SLC8A1: variants seen among roughly 807,000 people sequenced by gnomAD.
SLC8A1 encodes solute carrier family 8 member A1, also known as sodium/calcium exchanger 1.
SLC8A1 carries 18 observed loss-of-function variants against 68.3 expected under a neutral mutation model. The ratio of observed to expected loss-of-function variants is 0.26; its 90% CI spans 0.18 to 0.39. The LOEUF (loss-of-function observed/expected upper bound fraction) is 0.39. Among genes scored for constraint, SLC8A1 ranks in the 10% least tolerant of loss-of-function variants. The pLI, the probability that SLC8A1 is intolerant of heterozygous loss-of-function variation, is 1.00. For missense variants in SLC8A1, 985 were observed against 1,156.7 expected (o/e 0.85, Z 2.15); for synonymous variants, 475 against 415.5 (o/e 1.14, Z -1.74).
chr2:40,407,391 C>T (rs902515785), intron 2 of SLC8A1, among the ~76,000 whole-genome samples: 3 of 152,160 alleles, frequency 2.0e-5, no homozygotes, highest in African/African-American at 4.8e-5. Context: ...GGACTGGTTC[C>T]TTGTCTGTAA....
chr2:40,177,779 G>A, exon 3 of SLC8A1: 1 of 1,550,426 alleles, frequency 6.4e-7, no homozygotes, highest in Non-Finnish European at 8.7e-7. Flanking sequence ...ATCCATTTTG[G>A]TTCCTCAAGC....
chr2:40,261,073 G>GCTT (rs2064632324), intron 2 of SLC8A1, among the ~76,000 whole-genome samples: 1 of 152,186 alleles, frequency 6.6e-6, no homozygotes, highest in South Asian at 2.1e-4. Flanking sequence ...AAGCAATGGA[G>GCTT]CCAGGTCAAA....
chr2:40,331,501 ATG>A (rs1483344011), intron 2 of SLC8A1, among the ~76,000 whole-genome samples: 3 of 152,196 alleles, frequency 2.0e-5, no homozygotes, highest in Non-Finnish European at 4.4e-5. Flanking sequence ...GCAAAATTTT[ATG>A]TGAGTTAACT....
At chr2:40,359,576 A>G (rs1673898397) in intron 2 of SLC8A1, among the ~76,000 whole-genome samples, 1 of 152,132 alleles carries the variant, frequency 6.6e-6, no homozygotes, top group African/African-American at 2.4e-5. Context: ...GCATTATAAC[A>G]GTTTGGTTTA....
At chr2:40,295,070 G>T (rs1174702855) in intron 2 of SLC8A1, among the ~76,000 whole-genome samples, 2 of 151,866 alleles carry the variant, frequency 1.3e-5, no homozygotes, top group African/African-American at 2.4e-5. Flanking sequence ...GTTTAATAAA[G>T]AATGGATTGA....
intron 2 of SLC8A1, among the ~76,000 whole-genome samples, chr2:40,286,574 T>C (rs11891800): frequency 0.27 from 41,465 of 152,058 alleles, 5,887 homozygotes; most frequent in East Asian, 0.5. Flanking sequence ...GTCTGTAAGA[T>C]AGGAAGTTTA....
At chr2:40,211,291 G>A (rs2056541376) in intron 2 of SLC8A1, among the ~76,000 whole-genome samples, 1 of 152,200 alleles carries the variant, frequency 6.6e-6, no homozygotes, top group African/African-American at 2.4e-5. Flanking sequence ...TCTAATGATA[G>A]TGGAACTTTT....
intron 3 of SLC8A1, among the ~76,000 whole-genome samples, chr2:40,175,533 T>A (rs1261136744): frequency 6.6e-6 from 1 of 152,086 alleles, no homozygotes; most frequent in African/African-American, 2.4e-5. Context: ...TATATGTATT[T>A]CACCTTATAT....
chr2:40,257,067 A>G (rs909439830), intron 2 of SLC8A1, among the ~76,000 whole-genome samples: 1 of 152,210 alleles, frequency 6.6e-6, no homozygotes, highest in Non-Finnish European at 1.5e-5. Context: ...ATGAATCATA[A>G]CAAATATACA....
intron 2 of SLC8A1, among the ~76,000 whole-genome samples, chr2:40,347,779 G>T (rs1669811535): frequency 1.3e-5 from 2 of 152,272 alleles, no homozygotes; most frequent in South Asian, 4.1e-4. Flanking sequence ...CAACAAAAGA[G>T]ATCTTTAGTG....
At chr2:40,384,601 T>C (rs533077837) in intron 2 of SLC8A1, among the ~76,000 whole-genome samples, 1 of 152,286 alleles carries the variant, frequency 6.6e-6, no homozygotes, top group Non-Finnish European at 1.5e-5. Context: ...TGGTTTCTAC[T>C]ATGCTCATTT....
chr2:40,348,187 A>C (rs891918676), intron 2 of SLC8A1, among the ~76,000 whole-genome samples: 1 of 152,184 alleles, frequency 6.6e-6, no homozygotes, highest in Admixed American at 6.5e-5. Context: ...TGAACTGTAC[A>C]TGAAGAAATC....
intron 2 of SLC8A1, among the ~76,000 whole-genome samples, chr2:40,226,507 T>C (rs1003383183): frequency 6.6e-6 from 1 of 152,110 alleles, no homozygotes; most frequent in Admixed American, 6.5e-5. Flanking sequence ...CTGGTTTCTG[T>C]ACACAGATCT....
intron 2 of SLC8A1, among the ~76,000 whole-genome samples, chr2:40,283,935 G>A (rs759511049): frequency 1.6e-4 from 25 of 152,096 alleles, no homozygotes; most frequent in Non-Finnish European, 2.6e-4. Flanking sequence ...TTTCTGAAAA[G>A]CAAAGCTGTA....
exon 2 of SLC8A1, chr2:40,429,604 G>T: frequency 6.2e-7 from 1 of 1,613,766 alleles, no homozygotes; most frequent in Non-Finnish European, 8.5e-7. Context: ...AACACCAGGA[G>T]ATATGACAGA....
At chr2:40,271,296 T>C (rs1036218118) in intron 2 of SLC8A1, among the ~76,000 whole-genome samples, 1 of 151,552 alleles carries the variant, frequency 6.6e-6, no homozygotes, top group Admixed American at 6.6e-5. Flanking sequence ...TCCAGCCACA[T>C]GGCCCCCTTG....
At chr2:40,184,742 C>G (rs1203416704) in intron 2 of SLC8A1, among the ~76,000 whole-genome samples, 1 of 151,886 alleles carries the variant, frequency 6.6e-6, no homozygotes, top group African/African-American at 2.4e-5. Context: ...CATCACAATC[C>G]CAGACTCCAG....
At chr2:40,347,272 A>C (rs371095660) in intron 2 of SLC8A1, among the ~76,000 whole-genome samples, 2 of 152,350 alleles carry the variant, frequency 1.3e-5, no homozygotes, top group African/African-American at 2.4e-5. Flanking sequence ...AAGTGCTAGG[A>C]TTACAAGGGT....
At chr2:40,255,105 A>AAGACAAGAATTTTTT (rs2063682199) in intron 2 of SLC8A1, 3 of 151,286 alleles carry the variant, frequency 2.0e-5, no homozygotes. Context: ...GTCTGCGCTT[A>AAGACAAGAATTTTTT]AGACAAGAAT....
Sources: allele counts gnomAD v4.1 joint callset (sites outside exome capture counted in the v4.1 genomes callset), GRCh38; gene constraint gnomAD v4.1.1; transcripts MANE v1.5; gene names NCBI Gene and HGNC (gene_info 2026-07-23, HGNC 2026-07-21).